Variants in TRAPPC9 observed in about 807,000 individuals in gnomAD.
TRAPPC9 encodes trafficking protein particle complex subunit 9.
TRAPPC9 carries 83 observed loss-of-function variants against 124.0 expected under a neutral mutation model. The observed-to-expected ratio is 0.67, with a 90% confidence interval of 0.56 to 0.80. The LOEUF is 0.80. TRAPPC9 is among the 30% of genes least tolerant of loss of function. The pLI is 0.00. For missense variants in TRAPPC9, 1,302 were observed against 1,508.3 expected (o/e 0.86, Z 2.27); for synonymous variants, 638 against 617.5 (o/e 1.03, Z -0.49).
At chr8:140,444,867 GAA>G (rs71320363) in intron 2 of TRAPPC9, among the ~76,000 whole-genome samples, 6 of 113,984 alleles carry the variant, frequency 5.3e-5, no homozygotes, top group African/African-American at 1.7e-4. Context: ...CCAATCTCAG[GAA>G]AAAAAAAAAA....
intron 21 of TRAPPC9, among the ~76,000 whole-genome samples, chr8:139,799,714 G>T (rs1823341593): frequency 6.6e-6 from 1 of 152,214 alleles, no homozygotes; most frequent in African/African-American, 2.4e-5. Context: ...AGCTCTTAGA[G>T]CAGTAACAGG....
intron 19 of TRAPPC9, among the ~76,000 whole-genome samples, chr8:139,928,817 C>CT (rs1367975719): frequency 6.6e-6 from 1 of 151,196 alleles, no homozygotes; most frequent in Non-Finnish European, 1.5e-5. Context: ...TTGTCTCACC[C>CT]TTTTGTGGGT....
At chr8:140,398,246 A>C (rs2069152417) in intron 6 of TRAPPC9, among the ~76,000 whole-genome samples, 1 of 152,200 alleles carries the variant, frequency 6.6e-6, no homozygotes, top group Non-Finnish European at 1.5e-5. Flanking sequence ...AAACAGACTA[A>C]TACAGTAAAT....
intron 21 of TRAPPC9, among the ~76,000 whole-genome samples, chr8:139,823,931 G>C (rs1825444681): frequency 6.6e-6 from 1 of 152,224 alleles, no homozygotes; most frequent in Non-Finnish European, 1.5e-5. Flanking sequence ...TGGAGAGAGA[G>C]TTGAAAGGTG....
rs1831450818 is a variant in TRAPPC9 at position 139,907,762 on chromosome 8, C to T, written c.2964+2385G>A. Among the ~76,000 whole-genome samples the T allele has an allele frequency of 6.6e-6, 1 of 152,162 alleles. No individual in the cohort carries two copies. Among genetic ancestry groups the T allele is most frequent in the South Asian group, 2.1e-4 (1 of 4,826 alleles). Reference sequence around the variant, plus strand: ...GCAAATATACAGAAAATAGAGAAGTCAAACGCAAAGACATTTTCTGTACTT... The same window carrying T: ...GCAAATATACAGAAAATAGAGAAGTTAAACGCAAAGACATTTTCTGTACTT... On this transcript the variant is annotated intron_variant, in intron 20 of 22. Transcript: ENST00000438773. The surrounding 1 kb of genome is among the most constrained non-coding windows in gnomAD (Gnocchi z 4.7).
chr8:140,290,554 TG>T, intron 12 of TRAPPC9, among the ~76,000 whole-genome samples: 1 of 19,146 alleles, frequency 5.2e-5, no homozygotes, highest in East Asian at 1.8e-3. Context: ...AGAAAGCTCG[TG>T]GTGGTGGTGG....
At chr8:140,116,815 G>T (rs548648691) in intron 17 of TRAPPC9, among the ~76,000 whole-genome samples, 1 of 152,092 alleles carries the variant, frequency 6.6e-6, no homozygotes, top group South Asian at 2.1e-4. Flanking sequence ...GCGACGGTGG[G>T]GCTGAATAGG....
intron 17 of TRAPPC9, among the ~76,000 whole-genome samples, chr8:140,192,225 A>G (rs2062510593): frequency 6.6e-6 from 1 of 152,194 alleles, no homozygotes; most frequent in Admixed American, 6.5e-5. Context: ...GGCTGAGTAA[A>G]TTGTCAAGCC....
chr8:140,171,608 G>A (rs1267203204), intron 17 of TRAPPC9, among the ~76,000 whole-genome samples: 1 of 152,174 alleles, frequency 6.6e-6, no homozygotes, highest in African/African-American at 2.4e-5. Flanking sequence ...GAGTCAAAGC[G>A]CACCAAGAGC....
At chr8:140,068,635 C>A (rs941583091) in intron 17 of TRAPPC9, among the ~76,000 whole-genome samples, 1 of 152,230 alleles carries the variant, frequency 6.6e-6, no homozygotes, top group East Asian at 1.9e-4. Context: ...TGGATGATCA[C>A]CTGCCTTATG....
chr8:140,140,381 TTC>T (rs1480339237), intron 17 of TRAPPC9, among the ~76,000 whole-genome samples: 3 of 152,160 alleles, frequency 2.0e-5, no homozygotes, highest in Non-Finnish European at 2.9e-5. Context: ...AGCAAGAAAC[TTC>T]TGTTTTCCTA....
chr8:139,986,045 C>T (rs553302738), intron 19 of TRAPPC9, among the ~76,000 whole-genome samples: 1 of 152,184 alleles, frequency 6.6e-6, no homozygotes, highest in African/African-American at 2.4e-5. Context: ...GAGTCCAAGA[C>T]CAGCCTGACC....
chr8:139,790,145 A>G (rs1372003324), intron 21 of TRAPPC9, among the ~76,000 whole-genome samples: 3 of 152,210 alleles, frequency 2.0e-5, no homozygotes, highest in Non-Finnish European at 4.4e-5. Flanking sequence ...ACGGGCAAGG[A>G]CACTGGGAAA....
chr8:140,229,627 G>A lies in TRAPPC9; in HGVS notation c.2432-8044C>T, dbSNP rs191911321. On this transcript the variant is annotated intron_variant, in intron 16 of 22. Transcript: ENST00000438773. Reference sequence around the variant, plus strand: ...TCTGTCGCTGAGGCTGGAGTGTAGCGGCGCGATCTCGGCTCACTGCAACCA... The same window carrying A: ...TCTGTCGCTGAGGCTGGAGTGTAGCAGCGCGATCTCGGCTCACTGCAACCA... Among the ~76,000 whole-genome samples the A allele has an allele frequency of 1.2e-4, 18 of 151,816 alleles. 1 individual carries two copies. In the East Asian group the frequency reaches 1.4e-3, roughly 11 times the overall value.
chr8:140,258,530 GC>G (rs1312518880), intron 15 of TRAPPC9, among the ~76,000 whole-genome samples: 1 of 152,074 alleles, frequency 6.6e-6, no homozygotes, highest in Admixed American at 6.5e-5. Context: ...AATTCAAACC[GC>G]CTGCTAGATA....
At chr8:140,033,537 A>G (rs923595315) in intron 17 of TRAPPC9, among the ~76,000 whole-genome samples, 1 of 152,136 alleles carries the variant, frequency 6.6e-6, no homozygotes, top group Admixed American at 6.5e-5. Context: ...AAAGGAAAAA[A>G]AAAATTCATT....
At chr8:140,293,591 C>G (rs1212681929) in intron 11 of TRAPPC9, among the ~76,000 whole-genome samples, 1 of 152,104 alleles carries the variant, frequency 6.6e-6, no homozygotes, top group Non-Finnish European at 1.5e-5. Context: ...TGGAAATCAT[C>G]ATTCTCAGTA....
intron 21 of TRAPPC9, among the ~76,000 whole-genome samples, chr8:139,830,734 C>T (rs1033346931): frequency 5.9e-5 from 9 of 152,302 alleles, no homozygotes; most frequent in African/African-American, 9.6e-5. Context: ...CAGACACACA[C>T]CTCTAGAAGG....
intron 7 of TRAPPC9, among the ~76,000 whole-genome samples, chr8:140,373,729 T>G (rs2068350675): frequency 6.6e-6 from 1 of 151,630 alleles, no homozygotes; most frequent in South Asian, 2.1e-4. Context: ...GTCTTTTTTA[T>G]TTTAGACGTT....
Sources: gnomAD v4.1 joint callset for allele counts (sites outside exome capture counted in the v4.1 genomes callset) on GRCh38, gnomAD v4.1.1 for gene constraint, Gnocchi (gnomAD v3.1) non-coding constraint, MANE v1.5 for transcripts, NCBI Gene and HGNC (gene_info 2026-07-23, HGNC 2026-07-21) for gene names.